Variants in TNFRSF10C observed in about 807,000 individuals in gnomAD.
The protein encoded by TNFRSF10C is TNF receptor superfamily member 10c.
In TNFRSF10C, 17 loss-of-function variants were observed where a neutral mutation model predicts 16.7. The observed-to-expected ratio is 1.02, with a 90% confidence interval of 0.70 to 1.53. The LOEUF is 1.53. Ranked by LOEUF, TNFRSF10C falls within the 40% of genes most tolerant of loss-of-function variation. The pLI, the probability that TNFRSF10C is intolerant of heterozygous loss-of-function variation, is 0.00. For missense variants in TNFRSF10C, 237 were observed against 329.7 expected (o/e 0.72, Z 2.18); for synonymous variants, 73 against 119.7 (o/e 0.61, Z 2.55).
In TNFRSF10C at chr8:23,116,864, C is replaced by T. The variant is rs1027655890; in HGVS notation, c.613C>T (p.Pro205Ser). ...EETMTTSPGT[P>S]APAAEETMTT... ...GACAATGACCACCAGCCCGGGGACT[C>T]CTGCCCCAGCTGCTGAAGAGACAAT... Residue 205 changes from proline (P) to serine (S), a missense_variant, in exon 5 of 5, where the codon CCT becomes TCT. Physicochemically the swap from Pro to Ser is moderately conservative, Grantham distance 74 (BLOSUM62 -1). This residue lies in a region of TNFRSF10C where 25 missense variants were observed against 133.0 expected (regional missense o/e 0.19). Coordinates refer to ENST00000356864, the MANE Select transcript of TNFRSF10C (RefSeq NM_003841.5). 6.2e-7 allele frequency: 1 copy of T among 1,608,118 alleles called. No homozygotes were observed. Among genetic ancestry groups the T allele is most frequent in the Non-Finnish European group, 8.5e-7 (1 of 1,178,598 alleles).
rs1449119266 is a variant in TNFRSF10C, at chr8:23,116,644, C to T, written c.393C>T (p.Cys131=). 6.2e-7 allele frequency: 1 copy of T among 1,612,960 alleles called. No individual in the cohort carries two copies. The highest frequency in any genetic ancestry group is 8.5e-7 in the Non-Finnish European group (1 of 1,179,272). Residue 131 remains cysteine (C), a synonymous_variant, in exon 5 of 5, where the codon TGC becomes TGT. Coordinates refer to ENST00000356864, the MANE Select transcript of TNFRSF10C (RefSeq NM_003841.5). ...CTCCCTCTCTGTGTGTACCCAGGTGCCCTAGTGGGGAAGTCCAAGTCAGTA... is the reference window on the plus strand; with the variant it reads ...CTCCCTCTCTGTGTGTACCCAGGTGTCCTAGTGGGGAAGTCCAAGTCAGTA... ...SPEMCRKCSR[C]PSGEVQVSNC...
intron 2 of TNFRSF10C, 171 bp from the exon 3 acceptor site, chr8:23,114,486 G>A (rs1016967615): frequency 8.4e-6 from 4 of 477,412 alleles, no homozygotes; most frequent in Non-Finnish European, 1.5e-5. Flanking sequence ...TCTGTCAGCA[G>A]TGCCAGTCAA....
intron 1 of TNFRSF10C, among the ~76,000 whole-genome samples, chr8:23,107,886 G>C (rs1187241895): frequency 6.6e-6 from 1 of 152,210 alleles, no homozygotes; most frequent in Non-Finnish European, 1.5e-5. Context: ...GTTGTCTGTT[G>C]AAAGTAAATA....
chr8:23,103,552 T>C (rs1438096281), intron 1 of TNFRSF10C: 1 of 301,370 alleles, frequency 3.3e-6, no homozygotes, highest in Non-Finnish European at 6.3e-6. Context: ...ATGTTTACAT[T>C]CTTAAACGTG....
chr8:23,114,569 T>G, intron 2 of TNFRSF10C, 88 bp from the exon 3 acceptor site: 1 of 1,051,084 alleles, frequency 9.5e-7, no homozygotes, highest in Non-Finnish European at 1.5e-6. Flanking sequence ...TCAATTCCAG[T>G]GAGGGCCAAA....
intron 1 of TNFRSF10C, chr8:23,103,574 T>C (rs1813712973): frequency 4.2e-6 from 1 of 240,576 alleles, no homozygotes; most frequent in Non-Finnish European, 8.2e-6. Flanking sequence ...TCCTTGGAGA[T>C]CGGTTTAACC....
Position 23,106,165 on chromosome 8 carries a change from G to T in TNFRSF10C, c.60+2984G>T, listed in dbSNP as rs927758590. 8.6e-5 allele frequency among the ~76,000 whole-genome samples: 13 copies of T among 151,902 alleles called. 1 individual carries two copies. Among genetic ancestry groups the T allele is most frequent in the South Asian group, 4.2e-4 (2 of 4,818 alleles). ...GTTTGGGAGGACAAATGAACCCCATGTGAATCCTGTTCCCTGGAGCCCGCA... is the reference window on the plus strand; with the variant it reads ...GTTTGGGAGGACAAATGAACCCCATTTGAATCCTGTTCCCTGGAGCCCGCA... On this transcript the variant is annotated intron_variant, in intron 1 of 4. Transcript: ENST00000356864.
rs1182160708 is a variant in TNFRSF10C at position 23,115,603 on chromosome 8, C to T, written c.376C>T (p.Arg126Trp). The change falls in exon 4 of 5, where the codon CGG becomes TGG. Residue 126 changes from arginine (R) to tryptophan (W), a missense_variant. Transcript: ENST00000356864. Reference protein sequence around the residue: ...FRNENSPEMCRKCSRCPSGEV... With the variant: ...FRNENSPEMCWKCSRCPSGEV... Reference sequence around the variant, plus strand: ...GAATGAAAACTCCCCAGAGATGTGCCGGAAGTGTAGCAGGTGAGACAGCAG... The same window carrying T: ...GAATGAAAACTCCCCAGAGATGTGCTGGAAGTGTAGCAGGTGAGACAGCAG... The T allele has an allele frequency of 6.2e-6, 10 of 1,613,402 alleles. No individual in the cohort carries two copies. Among genetic ancestry groups the T allele is most frequent in the South Asian group, 3.3e-5 (3 of 90,916 alleles).
intron 1 of TNFRSF10C, among the ~76,000 whole-genome samples, chr8:23,107,823 G>T (rs73546658): frequency 0.032 from 4,872 of 152,278 alleles, 244 homozygotes; most frequent in African/African-American, 0.11. Flanking sequence ...GAGAAAGCAA[G>T]ACTCAACTAT....
At chr8:23,111,507 G>A (rs192543050) in intron 1 of TNFRSF10C, among the ~76,000 whole-genome samples, 2 of 119,710 alleles carry the variant, frequency 1.7e-5, no homozygotes, top group Admixed American at 1.0e-4. Flanking sequence ...GAGCCATCGC[G>A]CTTGCCTGTA....
chr8:23,114,683 G>T lies in TNFRSF10C; in HGVS notation c.193G>T (p.Ala65Ser). 6.2e-7 allele frequency: 1 copy of T among 1,612,100 alleles called. No individual in the cohort carries two copies. Among genetic ancestry groups the T allele is most frequent in the East Asian group, 2.2e-5 (1 of 44,834 alleles). The change falls in exon 3 of 5, where the codon GCC becomes TCC. Residue 65 changes from alanine (A) to serine (S), a missense_variant. Ala to Ser is a moderately conservative substitution (Grantham distance 99). This residue lies in a region of TNFRSF10C where 212 missense variants were observed against 196.8 expected (regional missense o/e 1.08). Coordinates refer to ENST00000356864, the MANE Select transcript of TNFRSF10C (RefSeq NM_003841.5). ...ATCTCATAGATCAGAACATACTGGA[G>T]CCTGTAACCCGTGCACAGAGGGTGT... ...AGSHRSEHTG[A>S]CNPCTEGVDY...
intron 1 of TNFRSF10C, among the ~76,000 whole-genome samples, chr8:23,108,766 C>T (rs895827702): frequency 6.6e-6 from 1 of 152,192 alleles, no homozygotes; most frequent in African/African-American, 2.4e-5. Context: ...CACTATCAAC[C>T]ACCTTGATTT....
chr8:23,114,209 TGTGGTGAGTGGACAGCAAACAG>T (rs554997310), intron 2 of TNFRSF10C, among the ~76,000 whole-genome samples: 121 of 152,220 alleles, frequency 7.9e-4, no homozygotes, highest in African/African-American at 2.6e-3. Flanking sequence ...AGGGGGCCAC[TGTGGTGAGTGGACAGCAAACAG>T]GTCAGGTGGA....
At chr8:23,105,622 A>T (rs988135936) in intron 1 of TNFRSF10C, among the ~76,000 whole-genome samples, 1 of 152,206 alleles carries the variant, frequency 6.6e-6, no homozygotes, top group African/African-American at 2.4e-5. Flanking sequence ...AAATGTCTCC[A>T]TCCAGGTGGC....
chr8:23,114,202 G>A (rs977114919), intron 2 of TNFRSF10C, among the ~76,000 whole-genome samples: 1 of 152,112 alleles, frequency 6.6e-6, no homozygotes, highest in Non-Finnish European at 1.5e-5. Flanking sequence ...CGAAGACAGG[G>A]GGCCACTGTG....
intron 1 of TNFRSF10C, among the ~76,000 whole-genome samples, chr8:23,106,723 A>T (rs1027431044): frequency 6.6e-6 from 1 of 152,172 alleles, no homozygotes; most frequent in Non-Finnish European, 1.5e-5. Flanking sequence ...GCGGTGGCTC[A>T]CGCCTGTAAT....
chr8:23,103,251 G>A (rs1449432754), intron 1 of TNFRSF10C, 70 bp downstream of exon 1: 2 of 1,570,376 alleles, frequency 1.3e-6, no homozygotes, highest in Non-Finnish European at 1.7e-6. Context: ...GGGAGACGGG[G>A]ACACGGCAGG....
At chr8:23,105,475 A>G (rs769535338) in intron 1 of TNFRSF10C, among the ~76,000 whole-genome samples, 27 of 152,340 alleles carry the variant, frequency 1.8e-4, no homozygotes, top group Non-Finnish European at 2.4e-4. Flanking sequence ...GGGAGGGGCC[A>G]TGGAGGAACA....
In TNFRSF10C at chr8:23,114,829, T is replaced by A; in HGVS notation, c.280+59T>A. The stretch of plus-strand genomic sequence containing the variant: ...GAGCGTGGGGCAATGAGGTGGGAGT[T>A]GTAGCCGATATGAGTCAGGGAACCA... On this transcript the variant is annotated intron_variant, in intron 3 of 4. Coordinates refer to ENST00000356864, the MANE Select transcript of TNFRSF10C (RefSeq NM_003841.5). 13 of 1,463,470 alleles carry A rather than the reference T, an allele frequency of 8.9e-6. No homozygotes were observed. In the South Asian group the frequency reaches 1.4e-4, roughly 15 times the overall value. The allele number at this position is 1,463,470 out of a possible 1,614,324, so 90.7% of individuals were successfully genotyped here.
Sources: allele counts gnomAD v4.1 joint callset (sites outside exome capture counted in the v4.1 genomes callset), GRCh38; gene constraint gnomAD v4.1.1; regional missense constraint gnomAD v4.1.1; transcripts MANE v1.5; gene names NCBI Gene and HGNC (gene_info 2026-07-23, HGNC 2026-07-21).